ROBO1: variants seen among roughly 807,000 people sequenced by gnomAD.
ROBO1 encodes roundabout homolog 1.
Under a neutral mutation model 195.9 loss-of-function variants are expected in ROBO1, and 149 were observed. The observed-to-expected ratio is 0.76, with a 90% confidence interval of 0.67 to 0.87. The LOEUF (loss-of-function observed/expected upper bound fraction) is 0.87. Among genes scored for constraint, ROBO1 ranks in the 40% least tolerant of loss-of-function variants. The probability of loss-of-function intolerance (pLI) is 0.00; values close to 1 mark genes in which losing one functional copy is unlikely to be tolerated. For synonymous variants in ROBO1, 816 were observed against 733.2 expected, an observed-to-expected ratio of 1.11 and a Z score of -1.82; for missense variants, 1,933 against 2,068.3, an observed-to-expected ratio of 0.93 and a Z score of 1.27.
intron 2 of ROBO1, among the ~76,000 whole-genome samples, chr3:79,243,571 TC>T (rs2082564508): frequency 6.6e-6 from 1 of 152,168 alleles, no homozygotes; most frequent in African/African-American, 2.4e-5. Flanking sequence ...GATTTGCATT[TC>T]TCTGATGGCC....
chr3:78,641,637 T>C (rs1275558217), intron 21 of ROBO1, among the ~76,000 whole-genome samples: 1 of 152,230 alleles, frequency 6.6e-6, no homozygotes, highest in Non-Finnish European at 1.5e-5. Context: ...ATGAATGTTA[T>C]CACTGTAGAA....
intron 2 of ROBO1, among the ~76,000 whole-genome samples, chr3:79,420,887 A>G (rs2106934063): frequency 6.6e-6 from 1 of 152,266 alleles, no homozygotes; most frequent in Non-Finnish European, 1.5e-5. Flanking sequence ...TAGATCCAAA[A>G]GAATACAAAT....
rs1008863026 is a variant in ROBO1 at position 78,617,772 on chromosome 3, T to C, written c.4145A>G (p.Asn1382Ser). 35 of 1,613,770 alleles carry C rather than the reference T, an allele frequency of 2.2e-5. No individual in the cohort carries two copies. Among genetic ancestry groups the C allele is most frequent in the Non-Finnish European group, 2.7e-5 (32 of 1,179,862 alleles). The change falls in exon 27 of 31, where the codon AAC becomes AGC. Residue 1382 changes from asparagine (N) to serine (S), a missense_variant. Asn to Ser is a conservative substitution (Grantham distance 46). Transcript: ENST00000464233. ...NGWGSASEED[N>S]ISSGRSSVSS... ...AACACTGGAGCGTCCGCTGGAAATG[T>C]TGTCCTCCTCTGAGGCTGAGCCCCA...
intron 3 of ROBO1, among the ~76,000 whole-genome samples, chr3:79,054,614 T>C (rs1472856348): frequency 6.6e-6 from 1 of 152,112 alleles, no homozygotes; most frequent in Admixed American, 6.6e-5. Context: ...GAGCCTGCTA[T>C]AATTGAGGTC....
chr3:78,599,008 T>TATTA, intron 30 of ROBO1, 81 bp from the exon 31 acceptor site: 1 of 773,234 alleles, frequency 1.3e-6, no homozygotes, highest in Middle Eastern at 4.0e-4. Flanking sequence ...CATTTATTAT[T>TATTA]ATTATAATTT....
intron 1 of ROBO1, among the ~76,000 whole-genome samples, chr3:79,733,520 T>C (rs1346796079): frequency 3.3e-5 from 5 of 152,150 alleles, no homozygotes; most frequent in Non-Finnish European, 5.9e-5. Flanking sequence ...CACTCACCCA[T>C]GTAAGCCATC....
chr3:79,488,400 G>A (rs1939272979), intron 2 of ROBO1, among the ~76,000 whole-genome samples: 1 of 152,054 alleles, frequency 6.6e-6, no homozygotes, highest in South Asian at 2.1e-4. Flanking sequence ...TATTGCTCAG[G>A]CTAACTTTGG....
intron 2 of ROBO1, among the ~76,000 whole-genome samples, chr3:79,521,316 T>G (rs954633715): frequency 6.6e-6 from 1 of 152,166 alleles, no homozygotes; most frequent in Non-Finnish European, 1.5e-5. Context: ...CAACTCCAAT[T>G]TTCTTAGGGG....
chr3:78,922,305 G>C (rs2038979544), intron 4 of ROBO1, among the ~76,000 whole-genome samples: 1 of 151,880 alleles, frequency 6.6e-6, no homozygotes, highest in Non-Finnish European at 1.5e-5. Flanking sequence ...GTGCCTTCTG[G>C]AAACAGGCTT....
intron 2 of ROBO1, among the ~76,000 whole-genome samples, chr3:79,173,480 G>C (rs2081204709): frequency 6.6e-6 from 1 of 152,124 alleles, no homozygotes; most frequent in African/African-American, 2.4e-5. Context: ...TAGCACCCAG[G>C]CCAGTGGCTG....
intron 3 of ROBO1, among the ~76,000 whole-genome samples, chr3:79,094,872 C>T (rs2079539510): frequency 6.8e-6 from 1 of 147,026 alleles, no homozygotes; most frequent in African/African-American, 2.5e-5. Context: ...CCCTCCCTCC[C>T]TCTCTCCCTT....
At position 79,018,616 on chromosome 3, in the gene ROBO1, C is replaced by A. The variant is rs950678640; in HGVS notation, c.173-79689G>T. ...GTTTTCAGGGCAATTACTCGTCGACCTTTCCGGACGCTTGTCAGTATCTCA... is the reference window on the plus strand; with the variant it reads ...GTTTTCAGGGCAATTACTCGTCGACATTTCCGGACGCTTGTCAGTATCTCA... On this transcript the variant is annotated intron_variant, in intron 3 of 30. Coordinates refer to ENST00000464233, the MANE Select transcript of ROBO1 (RefSeq NM_002941.4). 62 of 1,457,754 alleles carry A rather than the reference C, an allele frequency of 4.3e-5. 1 individual carries two copies. In the African/African-American group the frequency reaches 6.9e-4, roughly 16 times the overall value. The allele number at this position is 1,457,754 out of a possible 1,614,324, so 90.3% of individuals were successfully genotyped here. A position where few individuals can be genotyped will look rare whatever the true frequency, so the allele number is the denominator to read the frequency against.
At chr3:78,752,372 A>G (rs1244798814) in intron 4 of ROBO1, among the ~76,000 whole-genome samples, 1 of 152,166 alleles carries the variant, frequency 6.6e-6, no homozygotes, top group Non-Finnish European at 1.5e-5. Flanking sequence ...AAGTATATGT[A>G]AAATGTTGAC....
At chr3:79,006,251 T>C (rs1487021812) in intron 3 of ROBO1, among the ~76,000 whole-genome samples, 1 of 126,970 alleles carries the variant, frequency 7.9e-6, no homozygotes, top group African/African-American at 2.5e-5. Flanking sequence ...ATTTGTAAAA[T>C]GTAAATAGCT....
chr3:79,436,808 A>C (rs1013008321), intron 2 of ROBO1, among the ~76,000 whole-genome samples: 11 of 152,062 alleles, frequency 7.2e-5, no homozygotes, highest in African/African-American at 2.7e-4. Context: ...CATTGTAAAG[A>C]GTGAAGGTGG....
chr3:79,147,078 T>C (rs758225234), intron 2 of ROBO1, among the ~76,000 whole-genome samples: 9 of 151,982 alleles, frequency 5.9e-5, no homozygotes, highest in Non-Finnish European at 1.3e-4. Flanking sequence ...CTGCATAACA[T>C]AAATGTTCTG....
chr3:79,682,792 G>A (rs1377436057), intron 1 of ROBO1, among the ~76,000 whole-genome samples: 5 of 151,904 alleles, frequency 3.3e-5, no homozygotes, highest in Non-Finnish European at 5.9e-5. Context: ...CATTTTTTAG[G>A]TATTAAATAA....
chr3:79,442,713 A>C (rs1053651043), intron 2 of ROBO1, among the ~76,000 whole-genome samples: 4 of 152,148 alleles, frequency 2.6e-5, no homozygotes, highest in African/African-American at 7.2e-5. Context: ...TCATGGTGGA[A>C]CCAACTTTTG....
intron 2 of ROBO1, among the ~76,000 whole-genome samples, chr3:79,203,920 T>C (rs2081815615): frequency 6.6e-6 from 1 of 152,222 alleles, no homozygotes; most frequent in African/African-American, 2.4e-5. Flanking sequence ...CACCCGCTAC[T>C]CAGGATGTCA....
Sources: allele counts gnomAD v4.1 joint callset (sites outside exome capture counted in the v4.1 genomes callset), GRCh38; gene constraint gnomAD v4.1.1; transcripts MANE v1.5; gene names NCBI Gene and HGNC (gene_info 2026-07-23, HGNC 2026-07-21).